SPATA1: variants seen among roughly 807,000 people sequenced by gnomAD.
The protein encoded by SPATA1 is spermatogenesis-associated protein 1.
SPATA1 carries 57 observed loss-of-function variants against 59.6 expected under a neutral mutation model. That is an observed-to-expected ratio of 0.96 (90% CI 0.77 to 1.19). SPATA1 has a LOEUF of 1.19. Ranked by LOEUF, SPATA1 falls within the 50% of genes most tolerant of loss-of-function variation. SPATA1 has a pLI of 0.00. For synonymous variants in SPATA1, 147 were observed against 163.9 expected, an observed-to-expected ratio of 0.90 and a Z score of 0.79; for missense variants, 448 against 480.7, an observed-to-expected ratio of 0.93 and a Z score of 0.64.
downstream of SPATA1, among the ~76,000 whole-genome samples, chr1:84,566,622 A>G (rs1032938783): frequency 5.9e-5 from 9 of 152,260 alleles, no homozygotes; most frequent in Admixed American, 2.6e-4. Flanking sequence ...ATTCAAATAA[A>G]TGTTGAGTAT....
chr1:84,551,402 A>AT, intron 12 of SPATA1: 3 of 583,092 alleles, frequency 5.1e-6, no homozygotes, highest in Non-Finnish European at 2.2e-6. Context: ...AAAAAAATAG[A>AT]ATTAGCACTG....
intron 6 of SPATA1, among the ~76,000 whole-genome samples, chr1:84,530,049 G>C (rs1683407629): frequency 6.6e-6 from 1 of 151,568 alleles, no homozygotes; most frequent in South Asian, 2.1e-4. Context: ...GTAGAGACGG[G>C]GTTTCACCGT....
intron 8 of SPATA1, among the ~76,000 whole-genome samples, chr1:84,543,326 G>C (rs1422945956): frequency 6.6e-6 from 1 of 152,184 alleles, no homozygotes; most frequent in Non-Finnish European, 1.5e-5. Flanking sequence ...AAAAAGGGTA[G>C]ATATTAGTCT....
downstream of SPATA1, among the ~76,000 whole-genome samples, chr1:84,558,285 C>A (rs1014128116): frequency 2.0e-5 from 3 of 149,184 alleles, no homozygotes; most frequent in African/African-American, 7.4e-5. Flanking sequence ...TTTTTGCCTG[C>A]CATTAAACTT....
chr1:84,560,097 A>AAAAAAG (rs1553224318), intron 4 of SPATA1, among the ~76,000 whole-genome samples: 1 of 114,714 alleles, frequency 8.7e-6, no homozygotes, highest in African/African-American at 3.3e-5. Context: ...AAAAAAAAAA[A>AAAAAAG]AAAGAAAGAA....
chr1:84,533,010 T>G, intron 7 of SPATA1, 36 bp downstream of exon 7: 1 of 1,366,292 alleles, frequency 7.3e-7, no homozygotes, highest in South Asian at 1.3e-5. Context: ...CATGCCATAA[T>G]CTAAACAATA....
At chr1:84,537,240 TAAGAG>T (rs988785896) in intron 8 of SPATA1, among the ~76,000 whole-genome samples, 18 of 152,204 alleles carry the variant, frequency 1.2e-4, no homozygotes, top group African/African-American at 4.3e-4. Flanking sequence ...TTTTACTATA[TAAGAG>T]AAAACAGTAC....
At chr1:84,522,484 T>C (rs747813776) in exon 4 of SPATA1, 9 of 1,538,902 alleles carry the variant, frequency 5.8e-6, no homozygotes, top group Admixed American at 3.8e-5. Context: ...ATTTCTGAAA[T>C]GCATTGGAAA....
intron 10 of SPATA1, among the ~76,000 whole-genome samples, chr1:84,546,581 G>T (rs963166624): frequency 6.6e-6 from 1 of 152,070 alleles, no homozygotes; most frequent in East Asian, 1.9e-4. Context: ...AGGCTTCCAG[G>T]AAAAGTGTTG....
chr1:84,565,503 T>C (rs895725520), intron 4 of SPATA1, among the ~76,000 whole-genome samples: 15 of 152,206 alleles, frequency 9.9e-5, no homozygotes, highest in Admixed American at 9.8e-4. Flanking sequence ...AAGCATGTGA[T>C]TTCATGACAA....
intron 1 of SPATA1, among the ~76,000 whole-genome samples, chr1:84,511,679 C>CTTTTTTTTTTTTTT (rs1310907189): frequency 1.5e-5 from 1 of 67,608 alleles, no homozygotes; most frequent in Non-Finnish European, 2.9e-5. Flanking sequence ...TTCTTTCTTT[C>CTTTTTTTTTTTTTT]TTTTTTTTTT....
At chr1:84,544,131 AT>A in intron 8 of SPATA1, 70 bp from the exon 9 acceptor site, 1 of 1,021,788 alleles carries the variant, frequency 9.8e-7, no homozygotes, top group Non-Finnish European at 1.5e-6. Context: ...GCATTATCAA[AT>A]ACCTACGGGC....
At chr1:84,525,776 T>A in intron 5 of SPATA1, 27 bp downstream of exon 5, 1 of 1,605,208 alleles carries the variant, frequency 6.2e-7, no homozygotes, top group Non-Finnish European at 8.5e-7. Flanking sequence ...TTTAAACTTA[T>A]GCTAATTTTT....
At chr1:84,562,302 C>T (rs116201722) in intron 4 of SPATA1, among the ~76,000 whole-genome samples, 1 of 152,170 alleles carries the variant, frequency 6.6e-6, no homozygotes, top group Non-Finnish European at 1.5e-5. Context: ...AATATAAACA[C>T]TGTTTAGGAA....
intron 3 of SPATA1, among the ~76,000 whole-genome samples, chr1:84,521,438 C>A (rs1254394138): frequency 6.6e-6 from 1 of 152,176 alleles, no homozygotes; most frequent in Non-Finnish European, 1.5e-5. Flanking sequence ...ACATCAGCCT[C>A]CTTTCTGTTC....
At chr1:84,522,278 G>T in intron 3 of SPATA1, 112 bp from the exon 4 acceptor site, 1 of 516,810 alleles carries the variant, frequency 1.9e-6, no homozygotes, top group Non-Finnish European at 3.3e-6. Flanking sequence ...AGCTATATCT[G>T]ACACATTAAA....
rs779154097 is a variant in SPATA1, at chr1:84,532,542, G to T, written c.545-318G>T. On this transcript the variant is annotated intron_variant, in intron 6 of 12. Coordinates refer to ENST00000490879, the Ensembl canonical transcript of SPATA1. ...AGGAAACCCCCAACTTACCTACCCC[G>T]CTCTTGCAGATTTAGTTGTACATGG... Among the ~76,000 whole-genome samples, 6 of 152,040 alleles carry T rather than the reference G, an allele frequency of 3.9e-5. No homozygotes were observed. In the East Asian group the frequency reaches 5.8e-4, roughly 15 times the overall value.
At chr1:84,523,982 T>C (rs1570406544) in intron 4 of SPATA1, among the ~76,000 whole-genome samples, 1 of 151,612 alleles carries the variant, frequency 6.6e-6, no homozygotes, top group Non-Finnish European at 1.5e-5. Context: ...GAAAAAGAAC[T>C]AGATATAGAT....
intron 12 of SPATA1, 150 bp downstream of exon 12, chr1:84,550,680 A>C: frequency 3.3e-6 from 4 of 1,205,708 alleles, no homozygotes; most frequent in Non-Finnish European, 4.2e-6. Flanking sequence ...CATAGGTGAA[A>C]AAAAAAATGC....
Sources: allele counts gnomAD v4.1 joint callset (sites outside exome capture counted in the v4.1 genomes callset), GRCh38; gene constraint gnomAD v4.1.1; transcripts MANE v1.5; gene names NCBI Gene and HGNC (gene_info 2026-07-23, HGNC 2026-07-21).